The following RAB31 variants were observed in gnomAD, a reference collection of about 807,000 sequenced individuals.
RAB31 encodes RAB31, member RAS oncogene family.
RAB31 carries 21 observed loss-of-function variants against 25.6 expected under a neutral mutation model. That is an observed-to-expected ratio of 0.82 (90% CI 0.58 to 1.18). The LOEUF is 1.18. Ranked by LOEUF, RAB31 falls within the 50% of genes most tolerant of loss-of-function variation. The pLI is 0.00. For synonymous variants in RAB31, 87 were observed against 84.0 expected (o/e 1.04, Z -0.20); for missense variants, 196 against 250.1 (o/e 0.78, Z 1.46).
intron 1 of RAB31, among the ~76,000 whole-genome samples, chr18:9,769,249 G>A (rs895807339): frequency 2.6e-5 from 4 of 152,200 alleles, no homozygotes; most frequent in African/African-American, 9.7e-5. Context: ...TTGGTAGCTT[G>A]ATGGGGATAG....
chr18:9,723,625 G>A (rs1158322797), intron 1 of RAB31: 10 of 152,164 alleles, frequency 6.6e-5, no homozygotes, highest in Admixed American at 4.6e-4. Context: ...AGTCCAGGAC[G>A]GGGCAGCTGC....
rs749733968 is a variant in RAB31 at position 9,813,948 on chromosome 18, C to T, written c.202-72C>T. ...CCTGTAAGGATGATGTAGGATAAAACGTTTATGTTTAATTTGGGATTGAAT... is the reference window on the plus strand; with the variant it reads ...CCTGTAAGGATGATGTAGGATAAAATGTTTATGTTTAATTTGGGATTGAAT... On this transcript the variant is annotated intron_variant, in intron 3 of 6. Coordinates refer to ENST00000578921, the MANE Select transcript of RAB31 (RefSeq NM_006868.4). 115 of 1,057,064 alleles carry T rather than the reference C, an allele frequency of 1.1e-4. 1 individual carries two copies. The Middle Eastern group carries it at 3.0e-3, about 28-fold the overall frequency. 65.5% of individuals were successfully genotyped at this position (1,057,064 alleles called of 1,614,324 possible). A position where few individuals can be genotyped will look rare whatever the true frequency, so the allele number is the denominator to read the frequency against.
chr18:9,754,510 C>T (rs1324858955), intron 1 of RAB31, among the ~76,000 whole-genome samples: 1 of 152,120 alleles, frequency 6.6e-6, no homozygotes, highest in Non-Finnish European at 1.5e-5. Context: ...GAACTTCTGA[C>T]CTCAAGTGAT....
intron 1 of RAB31, among the ~76,000 whole-genome samples, chr18:9,762,867 G>A (rs192279726): frequency 5.3e-5 from 8 of 152,160 alleles, no homozygotes; most frequent in African/African-American, 1.9e-4. Context: ...TCCTGATAAC[G>A]TCAGTGGCCC....
intron 1 of RAB31, among the ~76,000 whole-genome samples, chr18:9,737,783 T>C (rs1387117277): frequency 6.6e-6 from 1 of 152,222 alleles, no homozygotes; most frequent in Non-Finnish European, 1.5e-5. Flanking sequence ...TGGTTGGTTA[T>C]GCATGGAGGG....
At chr18:9,793,774 G>T (rs1286997812) in intron 3 of RAB31, among the ~76,000 whole-genome samples, 1 of 152,096 alleles carries the variant, frequency 6.6e-6, no homozygotes, top group Admixed American at 6.5e-5. Context: ...GATGACTATG[G>T]AGTAAAATTG....
intron 3 of RAB31, among the ~76,000 whole-genome samples, chr18:9,793,578 C>T (rs1485237840): frequency 2.6e-5 from 4 of 151,706 alleles, no homozygotes; most frequent in East Asian, 1.9e-4. Flanking sequence ...AGGAGAATGG[C>T]GTGAACCCAG....
rs955108633 is a variant in RAB31, at chr18:9,861,365, G to A, written c.*2040G>A. ...GTGAGCTACCCACTAATGAGCCCAT[G>A]GTTTTATTTCAGAAGCACATGAGGG... On this transcript the variant is annotated 3_prime_UTR_variant, in exon 7 of 7. Transcript: ENST00000578921. 3 of 152,108 alleles carry A rather than the reference G, an allele frequency of 2.0e-5. No homozygotes were observed. The highest frequency in any genetic ancestry group is 7.2e-5 in the African/African-American group (3 of 41,404). The allele number at this position is 152,108 out of a possible 1,614,324, so 9.4% of individuals were successfully genotyped here.
rs77972487 is a variant in RAB31 at position 9,838,086 on chromosome 18, C to T, written c.381-7496C>T. On this transcript the variant is annotated intron_variant, in intron 5 of 6. Transcript: ENST00000578921. The stretch of plus-strand genomic sequence containing the variant: ...ATTGATATAACACTTATGGTGTGCC[C>T]GGCATTATTCTGAGCACTTTATAAT... 3.6e-3 allele frequency among the ~76,000 whole-genome samples: 543 copies of T among 152,282 alleles called. 2 individuals carry two copies. Among genetic ancestry groups the T allele is most frequent in the African/African-American group, 0.013 (524 of 41,558 alleles).
intron 1 of RAB31, among the ~76,000 whole-genome samples, chr18:9,751,208 A>AT (rs1329960673): frequency 6.6e-6 from 1 of 151,740 alleles, no homozygotes; most frequent in Non-Finnish European, 1.5e-5. Context: ...TAATTTATTT[A>AT]TTTTTTATTT....
chr18:9,803,746 C>T (rs150250605), intron 3 of RAB31, among the ~76,000 whole-genome samples: 18 of 152,314 alleles, frequency 1.2e-4, no homozygotes, highest in African/African-American at 4.1e-4. Flanking sequence ...CTGGAAACTA[C>T]AAAAGCAAAG....
chr18:9,771,665 G>A (rs2068345630), intron 1 of RAB31, among the ~76,000 whole-genome samples: 1 of 152,344 alleles, frequency 6.6e-6, no homozygotes, highest in South Asian at 2.1e-4. Flanking sequence ...GGTAGGGTGT[G>A]CCCCTGGTGG....
At chr18:9,827,940 T>A (rs1424265983) in intron 5 of RAB31, among the ~76,000 whole-genome samples, 2 of 152,130 alleles carry the variant, frequency 1.3e-5, no homozygotes, top group Non-Finnish European at 2.9e-5. Flanking sequence ...TTCCAGTTGG[T>A]CTGATGCAGT....
At chr18:9,856,501 A>G (rs28619243) in intron 6 of RAB31, 50 of 152,246 alleles carry the variant, frequency 3.3e-4, no homozygotes, top group African/African-American at 1.1e-3. Flanking sequence ...AAAACTTATG[A>G]AAACAAGACA....
At chr18:9,724,270 C>CA (rs762384582) in intron 1 of RAB31, among the ~76,000 whole-genome samples, 539 of 35,302 alleles carry the variant, frequency 0.015, 25 homozygotes, top group African/African-American at 0.034. Context: ...GACTCCGTCT[C>CA]AAAAAAAAAA....
At chr18:9,784,516 T>C (rs529764833) in intron 2 of RAB31, among the ~76,000 whole-genome samples, 3 of 152,028 alleles carry the variant, frequency 2.0e-5, no homozygotes, top group Non-Finnish European at 4.4e-5. Context: ...TTTTAGATGA[T>C]ATTGATGTAT....
At chr18:9,796,739 A>G (rs1172333292) in intron 3 of RAB31, among the ~76,000 whole-genome samples, 1 of 152,106 alleles carries the variant, frequency 6.6e-6, no homozygotes, top group East Asian at 1.9e-4. Flanking sequence ...GAATCTCTTA[A>G]CATTAAATTA....
chr18:9,751,750 C>G (rs1056265076), intron 1 of RAB31, among the ~76,000 whole-genome samples: 1 of 152,170 alleles, frequency 6.6e-6, no homozygotes, highest in Non-Finnish European at 1.5e-5. Flanking sequence ...GATGTAACGG[C>G]AAAGTGAAGG....
intron 1 of RAB31, among the ~76,000 whole-genome samples, chr18:9,734,308 C>T (rs1421144935): frequency 6.6e-6 from 1 of 152,206 alleles, no homozygotes; most frequent in Admixed American, 6.5e-5. Flanking sequence ...AATACTTGCT[C>T]AGGGCCCCGC....
Sources: gnomAD v4.1 joint callset for allele counts (sites outside exome capture counted in the v4.1 genomes callset) on GRCh38, gnomAD v4.1.1 for gene constraint, MANE v1.5 for transcripts, NCBI Gene and HGNC (gene_info 2026-07-23, HGNC 2026-07-21) for gene names.